The following NDUFS4 variants were observed in gnomAD, a reference collection of about 807,000 sequenced individuals.
NDUFS4 encodes NADH dehydrogenase [ubiquinone] iron-sulfur protein 4, mitochondrial.
NDUFS4 carries 28 observed loss-of-function variants against 24.3 expected under a neutral mutation model. The observed-to-expected ratio is 1.15, with a 90% CI of 0.85 to 1.58. The LOEUF (loss-of-function observed/expected upper bound fraction) is 1.58, where lower values mean the gene tolerates loss of function less well. Among genes scored for constraint, NDUFS4 ranks in the 40% most tolerant of loss-of-function variants. The pLI is 0.00. For synonymous variants in NDUFS4, 93 were observed against 69.7 expected, an observed-to-expected ratio of 1.34 and a Z score of -1.67; for missense variants, 223 against 207.9, an observed-to-expected ratio of 1.07 and a Z score of -0.45.
At chr5:53,620,099 T>G (rs949723773) in intron 2 of NDUFS4, among the ~76,000 whole-genome samples, 1 of 151,444 alleles carries the variant, frequency 6.6e-6, no homozygotes, top group African/African-American at 2.4e-5. Flanking sequence ...CTGGGCAACA[T>G]CGCAAGACCC....
intron 3 of NDUFS4, among the ~76,000 whole-genome samples, chr5:53,651,293 G>C (rs746132119): frequency 1.3e-5 from 2 of 151,832 alleles, no homozygotes; most frequent in Admixed American, 1.3e-4. Flanking sequence ...TAATTTTACT[G>C]CTTGGACATA....
chr5:53,593,959 G>C (rs1243659954), intron 1 of NDUFS4, among the ~76,000 whole-genome samples: 5 of 152,074 alleles, frequency 3.3e-5, no homozygotes, highest in Non-Finnish European at 7.4e-5. Context: ...TTATGTCCCA[G>C]AATGTGGCCC....
chr5:53,665,673 A>G (rs1752491512), intron 4 of NDUFS4, among the ~76,000 whole-genome samples: 1 of 152,190 alleles, frequency 6.6e-6, no homozygotes, highest in East Asian at 1.9e-4. Context: ...AGACCGTTGG[A>G]AAAGCACAGT....
Position 53,667,486 on chromosome 5 carries a change from CAAAA to C in NDUFS4, c.424+8876_424+8879del, listed in dbSNP as rs34400470. On this transcript the variant is annotated intron_variant, in intron 4 of 4. Transcript: ENST00000296684. ...GCAATAAGAGCAAAAACTCTGTCTCCAAAAAAAAAAAAAAAAAGGTGGAGGTGGG... is the reference window on the plus strand; with the variant it reads ...GCAATAAGAGCAAAAACTCTGTCTCCAAAAAAAAAAAAAGGTGGAGGTGGG... Among the ~76,000 whole-genome samples, 273 of 135,920 alleles carry C rather than the reference CAAAA, an allele frequency of 2.0e-3. 1 individual carries two copies. The highest frequency in any genetic ancestry group is 5.7e-3 in the African/African-American group (216 of 37,692). 89.2% of individuals were successfully genotyped at this position (135,920 alleles called of 152,430 possible).
intron 1 of NDUFS4, among the ~76,000 whole-genome samples, chr5:53,597,240 A>T (rs1299844656): frequency 6.6e-6 from 1 of 152,220 alleles, no homozygotes; most frequent in Non-Finnish European, 1.5e-5. Flanking sequence ...TCCAAAAGTG[A>T]AACATCCTAA....
chr5:53,658,784 C>CAAAAA (rs35754713), intron 4 of NDUFS4, 160 bp downstream of exon 4: 64 of 138,320 alleles, frequency 4.6e-4, no homozygotes, highest in African/African-American at 9.4e-4. Context: ...CACCCACCTC[C>CAAAAA]AAAAAAAAAA....
chr5:53,639,521 A>G (rs1458081402), intron 2 of NDUFS4, among the ~76,000 whole-genome samples: 1 of 152,020 alleles, frequency 6.6e-6, no homozygotes, highest in African/African-American at 2.4e-5. Context: ...TTAAGGTTGC[A>G]AGTTACCAAA....
chr5:53,656,911 A>G (rs1188182151), intron 3 of NDUFS4, among the ~76,000 whole-genome samples: 1 of 152,170 alleles, frequency 6.6e-6, no homozygotes, highest in African/African-American at 2.4e-5. Flanking sequence ...TACAAAATAC[A>G]GGAAATGAAG....
chr5:53,673,121 A>G (rs891481479), intron 4 of NDUFS4, among the ~76,000 whole-genome samples: 4 of 152,186 alleles, frequency 2.6e-5, no homozygotes, highest in Non-Finnish European at 5.9e-5. Flanking sequence ...ATAATTCCCC[A>G]GGAACTTACC....
At chr5:53,627,186 G>A (rs1370781950) in intron 2 of NDUFS4, among the ~76,000 whole-genome samples, 2 of 152,158 alleles carry the variant, frequency 1.3e-5, no homozygotes, top group Admixed American at 6.5e-5. Flanking sequence ...AGATCAGATG[G>A]TTGTAGATAT....
intron 2 of NDUFS4, among the ~76,000 whole-genome samples, chr5:53,615,103 C>G (rs1317563732): frequency 6.6e-6 from 1 of 151,728 alleles, no homozygotes; most frequent in African/African-American, 2.4e-5. Context: ...ATTTTACACT[C>G]TATTTGAATT....
chr5:53,602,276 A>T (rs1750348210), intron 1 of NDUFS4, among the ~76,000 whole-genome samples: 1 of 152,176 alleles, frequency 6.6e-6, no homozygotes, highest in Non-Finnish European at 1.5e-5. Flanking sequence ...TAATATAACA[A>T]CCAGGACATG....
At chr5:53,597,585 A>G (rs1296188768) in intron 1 of NDUFS4, among the ~76,000 whole-genome samples, 1 of 152,194 alleles carries the variant, frequency 6.6e-6, no homozygotes, top group Non-Finnish European at 1.5e-5. Flanking sequence ...AAAAATCTTC[A>G]CTGTTTAAGA....
chr5:53,585,295 A>G (rs1171923431), intron 1 of NDUFS4, among the ~76,000 whole-genome samples: 1 of 152,130 alleles, frequency 6.6e-6, no homozygotes, highest in Non-Finnish European at 1.5e-5. Flanking sequence ...GGGAGTTTTA[A>G]TTACTTGTTC....
In NDUFS4 at chr5:53,603,463, C is replaced by T; in HGVS notation, c.110C>T (p.Thr37Ile). 6.2e-7 allele frequency: 1 copy of T among 1,613,062 alleles called. No individual in the cohort carries two copies. Among genetic ancestry groups the T allele is most frequent in the South Asian group, 1.1e-5 (1 of 91,060 alleles). The stretch of plus-strand genomic sequence containing the variant: ...GTCTTGCACTGCAGGTCGTTGAGGA[C>T]TTCCACATGGAGATTGGCACAGGAC... Reference protein sequence around the residue: ...VSRVPTRSLRTSTWRLAQDQT... With the variant: ...VSRVPTRSLRISTWRLAQDQT... The change falls in exon 2 of 5, where the codon ACT becomes ATT. Residue 37 changes from threonine to isoleucine, a missense_variant. Transcript: ENST00000296684.
chr5:53,663,949 A>G lies in NDUFS4; in HGVS notation c.424+5325A>G, dbSNP rs77056063. On this transcript the variant is annotated intron_variant, in intron 4 of 4. Transcript: ENST00000296684. ...GCCTCGATGGTCTTTACAATTTATCATGTGTTTGCAGTGGCTGGTACTTGT... is the reference window on the plus strand; with the variant it reads ...GCCTCGATGGTCTTTACAATTTATCGTGTGTTTGCAGTGGCTGGTACTTGT... Among the ~76,000 whole-genome samples, 962 of 151,794 alleles carry G rather than the reference A, an allele frequency of 6.3e-3. 13 individuals are homozygous for G. The highest frequency in any genetic ancestry group is 0.022 in the African/African-American group (922 of 41,492).
intron 4 of NDUFS4, among the ~76,000 whole-genome samples, chr5:53,659,330 A>G (rs2112522975): frequency 6.6e-6 from 1 of 152,254 alleles, no homozygotes; most frequent in Middle Eastern, 3.4e-3. Context: ...TTGCAGTCAG[A>G]CTAATATGGA....
chr5:53,573,518 T>A (rs1313815037), intron 1 of NDUFS4: 1 of 438,178 alleles, frequency 2.3e-6, no homozygotes, highest in Non-Finnish European at 4.5e-6. Flanking sequence ...TATGTTTCGT[T>A]AGATTTATGC....
chr5:53,681,322 ATTAC>A (rs1424382111), intron 4 of NDUFS4, among the ~76,000 whole-genome samples: 3 of 152,116 alleles, frequency 2.0e-5, no homozygotes, highest in Non-Finnish European at 4.4e-5. Flanking sequence ...GGGGAATAAT[ATTAC>A]TTCATATAAA....
Sources: allele counts gnomAD v4.1 joint callset (sites outside exome capture counted in the v4.1 genomes callset), GRCh38; gene constraint gnomAD v4.1.1; transcripts MANE v1.5; gene names NCBI Gene and HGNC (gene_info 2026-07-23, HGNC 2026-07-21).